Variants in ANKRD30A observed in about 807,000 individuals in gnomAD.
ANKRD30A encodes the protein ankyrin repeat domain 30A.
Under a neutral mutation model 166.3 loss-of-function variants are expected in ANKRD30A, and 170 were observed. That is an observed-to-expected ratio of 1.02 (90% CI 0.90 to 1.16). The LOEUF (loss-of-function observed/expected upper bound fraction) is 1.16, where lower values mean the gene tolerates loss of function less well. ANKRD30A is among the 50% of genes most tolerant of loss of function. The pLI, the probability that ANKRD30A is intolerant of heterozygous loss-of-function variation, is 0.00. For synonymous variants in ANKRD30A, 564 were observed against 508.9 expected (o/e 1.11, Z -1.46); for missense variants, 1,630 against 1,518.0 (o/e 1.07, Z -1.23).
intron 31 of ANKRD30A, among the ~76,000 whole-genome samples, chr10:37,206,813 A>G (rs960947761): frequency 6.7e-6 from 1 of 149,258 alleles, no homozygotes; most frequent in Non-Finnish European, 1.5e-5. Context: ...TAAAAATGAA[A>G]AAATAAAAAT....
At chr10:37,223,979 CAATAT>C (rs1484385200) in intron 34 of ANKRD30A, among the ~76,000 whole-genome samples, 2 of 151,100 alleles carry the variant, frequency 1.3e-5, no homozygotes, top group African/African-American at 4.8e-5. Context: ...ACTATAATTT[CAATAT>C]ATTTATTAAA....
downstream of ANKRD30A, among the ~76,000 whole-genome samples, chr10:37,237,354 T>A (rs1442715106): frequency 2.0e-5 from 3 of 152,190 alleles, no homozygotes; most frequent in East Asian, 1.9e-4. Flanking sequence ...GAACTTTTTT[T>A]AAAAACAGTT....
rs186631580 is a variant in ANKRD30A at position 37,148,809 on chromosome 10, T to C, written c.1544-842T>C. On this transcript the variant is annotated intron_variant, in intron 9 of 35. Coordinates refer to ENST00000361713, the MANE Select transcript of ANKRD30A (RefSeq NM_052997.3). ...TTATATTTTAAGAAAGTGAGTTGTT[T>C]TGGTAAAATTGTCATTCCACAAAAA... is the stretch of plus-strand genomic sequence containing the variant. Among the ~76,000 whole-genome samples, 25 of 152,192 alleles carry C rather than the reference T, an allele frequency of 1.6e-4. No individual in the cohort carries two copies. The East Asian group carries it at 4.0e-3, about 25-fold the overall frequency.
At chr10:37,195,449 C>T (rs959190723) in intron 27 of ANKRD30A, among the ~76,000 whole-genome samples, 2 of 152,060 alleles carry the variant, frequency 1.3e-5, no homozygotes, top group Non-Finnish European at 2.9e-5. Context: ...AAATTCTCCA[C>T]GGCTTCACAT....
intron 15 of ANKRD30A, among the ~76,000 whole-genome samples, chr10:37,162,086 G>A (rs1588837697): frequency 6.6e-6 from 1 of 152,026 alleles, no homozygotes; most frequent in Admixed American, 6.6e-5. Context: ...GAAGCATTCA[G>A]ACAGCTAAAG....
At chr10:37,190,807 A>G (rs571281087) in intron 25 of ANKRD30A, among the ~76,000 whole-genome samples, 25 of 151,726 alleles carry the variant, frequency 1.6e-4, no homozygotes, top group African/African-American at 5.8e-4. Flanking sequence ...ATTAATATGA[A>G]GCATCAATAT....
intron 31 of ANKRD30A, among the ~76,000 whole-genome samples, chr10:37,208,533 C>G (rs752509005): frequency 4.6e-5 from 7 of 152,116 alleles, no homozygotes; most frequent in Non-Finnish European, 7.3e-5. Flanking sequence ...TTTGCTGACT[C>G]AAGTGTGGAT....
intron 30 of ANKRD30A, 71 bp downstream of exon 30, chr10:37,199,859 A>C: frequency 1.0e-6 from 1 of 967,968 alleles, no homozygotes; most frequent in South Asian, 1.5e-5. Context: ...AGATGCTTAG[A>C]CTTTATTTTC....
At chr10:37,195,099 C>T (rs1840969893) in intron 27 of ANKRD30A, among the ~76,000 whole-genome samples, 1 of 151,820 alleles carries the variant, frequency 6.6e-6, no homozygotes, top group Non-Finnish European at 1.5e-5. Context: ...CTATTAGGCC[C>T]CCGGTGTATT....
At chr10:37,153,404 G>A (rs185169841) in intron 12 of ANKRD30A, among the ~76,000 whole-genome samples, 168 bp from the exon 13 acceptor site, 529 of 152,158 alleles carry the variant, frequency 3.5e-3, no homozygotes, top group Admixed American at 7.2e-3. Context: ...GGTTGTGTGA[G>A]GTTTTCTATC....
At chr10:37,224,104 A>G (rs1186147905) in intron 34 of ANKRD30A, among the ~76,000 whole-genome samples, 1 of 151,302 alleles carries the variant, frequency 6.6e-6, no homozygotes, top group Admixed American at 6.6e-5. Flanking sequence ...TTGAATACCT[A>G]AATATCACAC....
Position 37,165,055 on chromosome 10 carries a change from A to G in ANKRD30A, c.2003-39A>G, listed in dbSNP as rs148148546. The G allele has an allele frequency of 6.3e-4, 993 of 1,573,130 alleles. 10 individuals carry two copies. The African/African-American group carries it at 0.012, about 20-fold the overall frequency. ...ATGTTTTTAAAATTTTTAGTAGAGA[A>G]CTGTGCTCATGAATGTATCTGTGAT... is the stretch of plus-strand genomic sequence containing the variant. On this transcript the variant is annotated intron_variant, in intron 17 of 35. Transcript: ENST00000361713.
intron 27 of ANKRD30A, among the ~76,000 whole-genome samples, chr10:37,196,648 A>C (rs546617745): frequency 6.6e-6 from 1 of 152,310 alleles, no homozygotes; most frequent in African/African-American, 2.4e-5. Flanking sequence ...CAATATTGAA[A>C]GCTTAGTGTA....
chr10:37,178,428 A>G lies in ANKRD30A; in HGVS notation c.2421+2210A>G, dbSNP rs1839903656. The stretch of plus-strand genomic sequence containing the variant: ...AACCTTGTTAACAATTCACACTGAG[A>G]TTCAGCCGACCTGGGATTCTGCATT... On this transcript the variant is annotated intron_variant, in intron 24 of 35. Coordinates refer to ENST00000361713, the MANE Select transcript of ANKRD30A (RefSeq NM_052997.3). The G allele has an allele frequency of 1.4e-5, 10 of 696,948 alleles. 1 individual carries two copies. Among genetic ancestry groups the G allele is most frequent in the Non-Finnish European group, 1.8e-5 (10 of 562,192 alleles). 43.2% of individuals were successfully genotyped at this position (696,948 alleles called of 1,614,324 possible).
At chr10:37,242,710 G>T in the ANKRD30A span, among the ~76,000 whole-genome samples, 1 of 152,088 alleles carries the variant, frequency 6.6e-6, no homozygotes, top group Non-Finnish European at 1.5e-5. Context: ...TGGAAAACAG[G>T]CAAGAACCAT....
intron 30 of ANKRD30A, 51 bp downstream of exon 30, chr10:37,199,839 A>T (rs773904124): frequency 3.5e-6 from 4 of 1,143,528 alleles, no homozygotes; most frequent in African/African-American, 1.6e-5. Context: ...TGATATGAAA[A>T]CATAAAATCA....
intron 35 of ANKRD30A, among the ~76,000 whole-genome samples, chr10:37,232,238 T>G (rs1276890215): frequency 2.0e-5 from 3 of 147,500 alleles, no homozygotes; most frequent in African/African-American, 2.5e-5. Flanking sequence ...AAAAGTCTTG[T>G]TTTTTTTTTA....
chr10:37,197,504 C>T (rs571785842), intron 29 of ANKRD30A, 24 bp downstream of exon 29: 17 of 1,611,448 alleles, frequency 1.1e-5, no homozygotes, highest in South Asian at 4.4e-5. Context: ...TGTAACTATG[C>T]GAAGACCAAT....
the ANKRD30A span, chr10:37,248,223 A>G: frequency 1.6e-6 from 1 of 626,708 alleles, no homozygotes; most frequent in African/African-American, 1.8e-5. Context: ...CCAGAATGCC[A>G]AAGACTTCAA....
Sources: gnomAD v4.1 joint callset for allele counts (sites outside exome capture counted in the v4.1 genomes callset) on GRCh38, gnomAD v4.1.1 for gene constraint, MANE v1.5 for transcripts, NCBI Gene and HGNC (gene_info 2026-07-23, HGNC 2026-07-21) for gene names.